SYT9: variants seen among roughly 807,000 people sequenced by gnomAD.
The protein encoded by SYT9 is synaptotagmin-9.
A neutral mutation model predicts 48.4 loss-of-function variants in SYT9; 22 were observed. The observed-to-expected ratio is 0.45, with a 90% CI of 0.32 to 0.65. SYT9 has a LOEUF of 0.65. Among genes scored for constraint, SYT9 ranks in the 30% least tolerant of loss-of-function variants. SYT9 has a pLI of 0.03. For synonymous variants in SYT9, 265 were observed against 245.0 expected (o/e 1.08, Z -0.76); for missense variants, 577 against 622.0 (o/e 0.93, Z 0.77).
intron 3 of SYT9, among the ~76,000 whole-genome samples, chr11:7,350,310 C>T (rs1849888459): frequency 6.6e-6 from 1 of 152,118 alleles, no homozygotes; most frequent in Admixed American, 6.5e-5. Context: ...AGGTGTAGGT[C>T]CAGGCAAATG....
At chr11:7,395,123 G>T (rs754736528) in intron 3 of SYT9, among the ~76,000 whole-genome samples, 2 of 151,734 alleles carry the variant, frequency 1.3e-5, no homozygotes, top group Non-Finnish European at 2.9e-5. Context: ...TCACCCGAGC[G>T]GTATATACTG....
intron 3 of SYT9, among the ~76,000 whole-genome samples, chr11:7,384,456 G>A (rs1402896809): frequency 6.6e-6 from 1 of 152,020 alleles, no homozygotes; most frequent in Non-Finnish European, 1.5e-5. Context: ...CACTTGCTCA[G>A]GCAAAAAATT....
At chr11:7,304,616 G>A (rs1473586640) in intron 2 of SYT9, among the ~76,000 whole-genome samples, 1 of 152,146 alleles carries the variant, frequency 6.6e-6, no homozygotes, top group East Asian at 1.9e-4. Flanking sequence ...TAATTTGATT[G>A]TTTCAGAAAC....
intron 3 of SYT9, among the ~76,000 whole-genome samples, chr11:7,350,985 A>G (rs776851299): frequency 3.0e-4 from 45 of 152,226 alleles, no homozygotes; most frequent in Non-Finnish European, 5.9e-4. Flanking sequence ...AGTAAGTATC[A>G]GGGTAACAAA....
At chr11:7,460,258 C>T (rs1298972447) in intron 6 of SYT9, among the ~76,000 whole-genome samples, 3 of 152,076 alleles carry the variant, frequency 2.0e-5, no homozygotes, top group Non-Finnish European at 4.4e-5. Context: ...TTCTCATTAG[C>T]TTATTAATTT....
At chr11:7,338,350 CTTCAG>C (rs1257303416) in intron 3 of SYT9, among the ~76,000 whole-genome samples, 2 of 152,092 alleles carry the variant, frequency 1.3e-5, no homozygotes, top group Non-Finnish European at 2.9e-5. Context: ...TCTCAATATT[CTTCAG>C]TTCAGCTCTG....
chr11:7,394,472 T>C (rs1846706399), intron 3 of SYT9, among the ~76,000 whole-genome samples: 1 of 152,216 alleles, frequency 6.6e-6, no homozygotes, highest in Admixed American at 6.5e-5. Context: ...TTTGGGTATA[T>C]ACCCAGTAAT....
intron 3 of SYT9, among the ~76,000 whole-genome samples, chr11:7,370,689 A>G (rs960085592): frequency 6.6e-6 from 1 of 152,180 alleles, no homozygotes; most frequent in African/African-American, 2.4e-5. Flanking sequence ...AAAAGTGCTG[A>G]TATTAACCAT....
At chr11:7,246,527 T>C (rs1161334327) in intron 1 of SYT9, among the ~76,000 whole-genome samples, 3 of 152,224 alleles carry the variant, frequency 2.0e-5, no homozygotes, top group Non-Finnish European at 4.4e-5. Flanking sequence ...TTTTTAATCC[T>C]GTGTTCAGCT....
chr11:7,403,030 C>T (rs1374347350), intron 3 of SYT9, among the ~76,000 whole-genome samples: 2 of 151,608 alleles, frequency 1.3e-5, no homozygotes, highest in East Asian at 1.9e-4. Context: ...TAATTATTTC[C>T]TTTCTTCTGC....
chr11:7,456,118 G>T (rs1421483220), intron 6 of SYT9, among the ~76,000 whole-genome samples: 6 of 152,274 alleles, frequency 3.9e-5, no homozygotes, highest in African/African-American at 1.4e-4. Flanking sequence ...TTTTTATTTT[G>T]TAGTTAGTTG....
chr11:7,369,847 A>T (rs1007058222), intron 3 of SYT9, among the ~76,000 whole-genome samples: 1 of 151,524 alleles, frequency 6.6e-6, no homozygotes, highest in East Asian at 1.9e-4. Flanking sequence ...AATTCAACAC[A>T]TAAATTTTAA....
rs56891844 is a variant in SYT9 at position 7,270,832 on chromosome 11, G to GACACACACACAC, written c.145+18531_145+18542dup. ...TTGATGTTTAGATGCACAAGACACA[G>GACACACACACAC]ACACACACACACACACACACACACA... On this transcript the variant is annotated intron_variant, in intron 1 of 6. Transcript: ENST00000318881. Among the ~76,000 whole-genome samples the GACACACACACAC allele has an allele frequency of 5.1e-3, 756 of 147,276 alleles. 2 individuals are homozygous for GACACACACACAC. The highest frequency in any genetic ancestry group is 6.2e-3 in the Non-Finnish European group (414 of 66,704).
At chr11:7,277,552 C>T (rs1344127491) in intron 1 of SYT9, among the ~76,000 whole-genome samples, 1 of 152,132 alleles carries the variant, frequency 6.6e-6, no homozygotes, top group African/African-American at 2.4e-5. Flanking sequence ...AGCATTTTCT[C>T]AAATGTGAAG....
At chr11:7,246,822 G>C (rs1847798964) in intron 1 of SYT9, among the ~76,000 whole-genome samples, 1 of 152,212 alleles carries the variant, frequency 6.6e-6, no homozygotes, top group Non-Finnish European at 1.5e-5. Context: ...AGTTCGAGAG[G>C]TCCATGGCCT....
rs11342570 is a variant in SYT9 at position 7,395,779 on chromosome 11, G to GT, written c.1045-20255dup. Among the ~76,000 whole-genome samples, 670 of 151,442 alleles carry GT rather than the reference G, an allele frequency of 4.4e-3. 3 individuals are homozygous for GT. Among genetic ancestry groups the GT allele is most frequent in the Non-Finnish European group, 4.0e-3 (273 of 67,714 alleles). On this transcript the variant is annotated intron_variant, in intron 3 of 6. Coordinates refer to ENST00000318881, the MANE Select transcript of SYT9 (RefSeq NM_175733.4). ...TTGAAGACAGCAAAAAGTGGCTTTT[G>GT]TTTTTTTTATTCATCCTGTCACTCT...
upstream of SYT9, among the ~76,000 whole-genome samples, chr11:7,247,619 G>GTATATATACGTA (rs1381695317): frequency 7.4e-4 from 106 of 142,726 alleles, 1 homozygote; most frequent in African/African-American, 2.2e-3. Context: ...ATATATACGT[G>GTATATATACGTA]TATATATACG....
chr11:7,424,832 T>TG (rs1405943937), intron 6 of SYT9, among the ~76,000 whole-genome samples: 1 of 152,212 alleles, frequency 6.6e-6, no homozygotes, highest in Non-Finnish European at 1.5e-5. Flanking sequence ...ACAAAAGTTC[T>TG]GCATGTCTGA....
At chr11:7,432,583 ATATATATACATATATATATATATAT>A (rs1174549757) in intron 6 of SYT9, among the ~76,000 whole-genome samples, 8 of 2,900 alleles carry the variant, frequency 2.8e-3, no homozygotes, top group Admixed American at 7.4e-3. Flanking sequence ...AAAAAAAAAA[ATATATATACATATATATATATATAT>A]ATATATATAT....
Sources: gnomAD v4.1 joint callset for allele counts (sites outside exome capture counted in the v4.1 genomes callset) on GRCh38, gnomAD v4.1.1 for gene constraint, MANE v1.5 for transcripts, NCBI Gene and HGNC (gene_info 2026-07-23, HGNC 2026-07-21) for gene names.